BPGM: variants seen among roughly 807,000 people sequenced by gnomAD.
BPGM encodes the protein bisphosphoglycerate mutase, also known as 2,3-bisphosphoglycerate mutase, erythrocyte.
A neutral mutation model predicts 21.6 loss-of-function variants in BPGM; 15 were observed. The observed-to-expected ratio is 0.70, with a 90% confidence interval of 0.47 to 1.07. The LOEUF (loss-of-function observed/expected upper bound fraction) is 1.07. Ranked by LOEUF, BPGM falls within the 50% of genes least tolerant of loss-of-function variation. The pLI is 0.00. For missense variants in BPGM, 273 were observed against 319.0 expected (o/e 0.86, Z 1.10); for synonymous variants, 113 against 116.2 (o/e 0.97, Z 0.18).
At position 134,668,905 on chromosome 7, in the gene BPGM, G is replaced by C. The variant is rs182436276; in HGVS notation, c.601+6797G>C. On this transcript the variant is annotated intron_variant, in intron 2 of 2. Coordinates refer to ENST00000344924, the MANE Select transcript of BPGM (RefSeq NM_001724.5). ...TATCGGGAAATAACAGATTGGTGGG[G>C]TAAGAGTAGGCTGCTGGGGGCACAA... Among the ~76,000 whole-genome samples, 118 of 152,292 alleles carry C rather than the reference G, an allele frequency of 7.7e-4. 2 individuals are homozygous for C. The highest frequency in any genetic ancestry group is 1.8e-4 in the Non-Finnish European group (12 of 68,022).
At chr7:134,657,637 C>A (rs1210623264) in intron 1 of BPGM, among the ~76,000 whole-genome samples, 1 of 152,116 alleles carries the variant, frequency 6.6e-6, no homozygotes, top group Non-Finnish European at 1.5e-5. Flanking sequence ...CATGAGCACC[C>A]CCCACTAGAG....
intron 1 of BPGM, among the ~76,000 whole-genome samples, chr7:134,649,258 A>T (rs1795518774): frequency 6.6e-6 from 1 of 152,100 alleles, no homozygotes; most frequent in Admixed American, 6.5e-5. Flanking sequence ...CATTACAAGG[A>T]TATACTCTTT....
In BPGM at chr7:134,679,643, CATTTG is replaced by C. The variant is rs1445338205; in HGVS notation, c.*614_*618del. ...TGTCTTCTAGTTTAGAGACATCCTTCATTTGACATTTAGTAGAATTCCTCTTTGGC... is the reference window on the plus strand; with the variant it reads ...TGTCTTCTAGTTTAGAGACATCCTTCACATTTAGTAGAATTCCTCTTTGGC... On this transcript the variant is annotated 3_prime_UTR_variant, in exon 3 of 3. Coordinates refer to ENST00000344924, the MANE Select transcript of BPGM (RefSeq NM_001724.5). 6.6e-6 allele frequency: 1 copy of C among 152,144 alleles called. No individual in the cohort carries two copies. Among genetic ancestry groups the C allele is most frequent in the African/African-American group, 2.4e-5 (1 of 41,434 alleles). The allele number at this position is 152,144 out of a possible 1,614,324, so 9.4% of individuals were successfully genotyped here. A position where few individuals can be genotyped will look rare whatever the true frequency, so the allele number is the denominator to read the frequency against.
At chr7:134,655,517 GT>G (rs1795622715) in intron 1 of BPGM, among the ~76,000 whole-genome samples, 1 of 152,168 alleles carries the variant, frequency 6.6e-6, no homozygotes, top group Non-Finnish European at 1.5e-5. Flanking sequence ...CTGGCCATAT[GT>G]TTTTGAACAA....
intron 2 of BPGM, among the ~76,000 whole-genome samples, chr7:134,677,490 T>C (rs1408817733): frequency 6.6e-6 from 1 of 152,166 alleles, no homozygotes; most frequent in African/African-American, 2.4e-5. Context: ...TGACGTGAAA[T>C]TCTAATAAAG....
chr7:134,667,334 C>T (rs935090276), intron 2 of BPGM, among the ~76,000 whole-genome samples: 2 of 152,040 alleles, frequency 1.3e-5, no homozygotes, highest in African/African-American at 4.8e-5. Flanking sequence ...GCCTGTTGTC[C>T]GAATGTAATT....
At chr7:134,647,032 C>G (rs1384843194) in intron 1 of BPGM, 95 bp downstream of exon 1, 1 of 154,790 alleles carries the variant, frequency 6.5e-6, no homozygotes, top group Non-Finnish European at 1.5e-5. Flanking sequence ...AGTTTCTTTA[C>G]TTCCCCCGGT....
chr7:134,679,406 C>T lies in BPGM; in HGVS notation c.*375C>T, dbSNP rs181202926. The T allele has an allele frequency of 2.3e-3, 501 of 213,906 alleles. No homozygotes were observed. Among genetic ancestry groups the T allele is most frequent in the African/African-American group, 0.011 (469 of 43,342 alleles). The allele number at this position is 213,906 out of a possible 1,614,324, so 13.3% of individuals were successfully genotyped here. Reference sequence around the variant, plus strand: ...AGGCACTATTCTAATCAGTAGTTCACTTTAATATTTAATAAGATTTTCTGG... The same window carrying T: ...AGGCACTATTCTAATCAGTAGTTCATTTTAATATTTAATAAGATTTTCTGG... On this transcript the variant is annotated 3_prime_UTR_variant, in exon 3 of 3. Transcript: ENST00000344924.
intron 2 of BPGM, among the ~76,000 whole-genome samples, chr7:134,666,307 T>C (rs907383121): frequency 9.9e-5 from 15 of 152,022 alleles, no homozygotes; most frequent in African/African-American, 3.6e-4. Context: ...TAGAAAGAAG[T>C]AAATTGTAGG....
At chr7:134,648,096 C>A (rs1795491456) in intron 1 of BPGM, among the ~76,000 whole-genome samples, 1 of 147,644 alleles carries the variant, frequency 6.8e-6, no homozygotes, top group Admixed American at 6.8e-5. Flanking sequence ...CCGTGCCTGG[C>A]CTTGTCTTTT....
chr7:134,658,209 TAGG>T (rs147164433), intron 1 of BPGM: 194 of 152,260 alleles, frequency 1.3e-3, no homozygotes, highest in African/African-American at 4.5e-3. Context: ...CATGAATTTT[TAGG>T]AGGTTTTGAA....
At chr7:134,649,083 A>G (rs1346187842) in intron 1 of BPGM, among the ~76,000 whole-genome samples, 6 of 152,236 alleles carry the variant, frequency 3.9e-5, no homozygotes, top group African/African-American at 1.2e-4. Flanking sequence ...ATCAGAGTAC[A>G]TAGGGTAGCT....
At chr7:134,678,057 T>C (rs1796008152) in intron 2 of BPGM, among the ~76,000 whole-genome samples, 1 of 152,182 alleles carries the variant, frequency 6.6e-6, no homozygotes, top group Non-Finnish European at 1.5e-5. Flanking sequence ...GCATGAAATA[T>C]GAACTCAGAA....
intron 2 of BPGM, among the ~76,000 whole-genome samples, chr7:134,668,801 T>C (rs575014238): frequency 6.6e-6 from 1 of 152,336 alleles, no homozygotes; most frequent in African/African-American, 2.4e-5. Context: ...AGCTGCATTT[T>C]GCCAAGTGAA....
intron 2 of BPGM, among the ~76,000 whole-genome samples, chr7:134,674,394 AC>A (rs939744928): frequency 6.6e-6 from 1 of 151,754 alleles, no homozygotes; most frequent in Non-Finnish European, 1.5e-5. Context: ...AGCTGTTATC[AC>A]CCCCCCAGTT....
rs1404235375 is a variant in BPGM, at chr7:134,662,175, T to A, written c.601+67T>A. 1.1e-5 allele frequency: 18 copies of A among 1,599,528 alleles called. No homozygotes were observed. In the East Asian group the frequency reaches 3.8e-4, roughly 34 times the overall value. Reference sequence around the variant, plus strand: ...GATATCTAGGCCTTAATCTAGAAATTAAGCTAATGAGGCCCTATTTACACA... The same window carrying A: ...GATATCTAGGCCTTAATCTAGAAATAAAGCTAATGAGGCCCTATTTACACA... On this transcript the variant is annotated intron_variant, in intron 2 of 2. Coordinates refer to ENST00000344924, the MANE Select transcript of BPGM (RefSeq NM_001724.5).
intron 2 of BPGM, among the ~76,000 whole-genome samples, chr7:134,669,354 T>C (rs1008606805): frequency 6.6e-6 from 1 of 152,238 alleles, no homozygotes; most frequent in Admixed American, 6.5e-5. Flanking sequence ...ATCTTGCTAA[T>C]GTTATAGGTT....
chr7:134,647,458 T>A (rs1226896750), intron 1 of BPGM, among the ~76,000 whole-genome samples: 1 of 152,228 alleles, frequency 6.6e-6, no homozygotes, highest in Non-Finnish European at 1.5e-5. Flanking sequence ...AATCACAAGT[T>A]CTTAGAACCA....
At chr7:134,659,879 G>A (rs558435159) in intron 1 of BPGM, among the ~76,000 whole-genome samples, 3 of 152,208 alleles carry the variant, frequency 2.0e-5, no homozygotes, top group Non-Finnish European at 4.4e-5. Flanking sequence ...TGCAGATCGA[G>A]TAGGGGAAAT....
Sources: gnomAD v4.1 joint callset for allele counts (sites outside exome capture counted in the v4.1 genomes callset) on GRCh38, gnomAD v4.1.1 for gene constraint, MANE v1.5 for transcripts, NCBI Gene and HGNC (gene_info 2026-07-23, HGNC 2026-07-21) for gene names.